The following ZFHX3 variants were observed in gnomAD, a reference collection of about 807,000 sequenced individuals.
ZFHX3 encodes the protein zinc finger homeobox protein 3.
Under a neutral mutation model 279.1 loss-of-function variants are expected in ZFHX3, and 42 were observed. The ratio of observed to expected loss-of-function variants is 0.15; its 90% CI spans 0.12 to 0.19. The LOEUF (loss-of-function observed/expected upper bound fraction) is 0.19, where lower values mean the gene tolerates loss of function less well. Among genes scored for constraint, ZFHX3 ranks in the 10% least tolerant of loss-of-function variants. The pLI is 1.00. For synonymous variants in ZFHX3, 2,293 were observed against 1,957.8 expected, an observed-to-expected ratio of 1.17 and a Z score of -4.52; for missense variants, 4,981 against 4,754.0, an observed-to-expected ratio of 1.05 and a Z score of -1.40.
intron 1 of ZFHX3, among the ~76,000 whole-genome samples, chr16:73,803,575 T>C (rs749885152): frequency 6.6e-6 from 1 of 152,182 alleles, no homozygotes; most frequent in Non-Finnish European, 1.5e-5. Context: ...TAATAAAATA[T>C]GTAGAAGGAT....
chr16:72,836,936 T>C (rs976516336), intron 4 of ZFHX3, among the ~76,000 whole-genome samples: 1 of 152,164 alleles, frequency 6.6e-6, no homozygotes, highest in Non-Finnish European at 1.5e-5. Flanking sequence ...AAGTGTAATA[T>C]TTTCCCACCT....
chr16:72,955,492 C>CTTTA (rs1189757264), intron 2 of ZFHX3, among the ~76,000 whole-genome samples: 4 of 152,218 alleles, frequency 2.6e-5, no homozygotes, highest in Admixed American at 2.6e-4. Flanking sequence ...AAAAGCCTCA[C>CTTTA]TTTAGGCTGG....
intron 5 of ZFHX3, among the ~76,000 whole-genome samples, chr16:73,191,811 A>C (rs1438113710): frequency 6.6e-6 from 1 of 152,070 alleles, no homozygotes; most frequent in Non-Finnish European, 1.5e-5. Flanking sequence ...AATCTCTTAA[A>C]AGAGGGGAAG....
At chr16:73,403,117 C>T (rs1032226512) in intron 3 of ZFHX3, among the ~76,000 whole-genome samples, 25 of 152,050 alleles carry the variant, frequency 1.6e-4, no homozygotes, top group African/African-American at 5.6e-4. Context: ...ACCTGGTGGG[C>T]TGGCTGATTG....
chr16:73,007,181 T>C (rs1281856932), intron 1 of ZFHX3, among the ~76,000 whole-genome samples: 1 of 152,246 alleles, frequency 6.6e-6, no homozygotes, highest in Non-Finnish European at 1.5e-5. Context: ...TCTTTTAAAA[T>C]GCTAAATTCA....
chr16:73,281,444 T>A (rs1597260078), intron 4 of ZFHX3, among the ~76,000 whole-genome samples: 1 of 152,014 alleles, frequency 6.6e-6, no homozygotes, highest in East Asian at 1.9e-4. Context: ...AGTAGCATGG[T>A]GGTTGCAGGG....
chr16:73,112,754 C>G (rs8060351), intron 7 of ZFHX3, among the ~76,000 whole-genome samples: 4,662 of 134,898 alleles, frequency 0.035, 259 homozygotes, highest in African/African-American at 0.12. Context: ...TAAGTGCTTT[C>G]CCCCAGTAGA....
chr16:73,263,464 C>T (rs984503633), intron 4 of ZFHX3, among the ~76,000 whole-genome samples: 3 of 152,218 alleles, frequency 2.0e-5, no homozygotes, highest in Admixed American at 6.5e-5. Flanking sequence ...GTTGGGATTA[C>T]AGGCGTAAGC....
At chr16:72,871,342 ATTTTT>A (rs539356987) in intron 4 of ZFHX3, among the ~76,000 whole-genome samples, 2 of 119,188 alleles carry the variant, frequency 1.7e-5, no homozygotes, top group Non-Finnish European at 3.6e-5. Context: ...TGCCCGGCTA[ATTTTT>A]TTTTTTTTTT....
chr16:73,248,212 ATGTG>A (rs779662213), intron 5 of ZFHX3, among the ~76,000 whole-genome samples: 9 of 146,910 alleles, frequency 6.1e-5, no homozygotes, highest in Non-Finnish European at 1.2e-4. Flanking sequence ...GTGTGTATAT[ATGTG>A]TGTGTGTATA....
intron 1 of ZFHX3, among the ~76,000 whole-genome samples, chr16:73,762,758 T>TA (rs1392569969): frequency 6.6e-6 from 1 of 152,120 alleles, no homozygotes; most frequent in African/African-American, 2.4e-5. Context: ...TTCTCACTTA[T>TA]AAGTGGGAGC....
chr16:73,031,009 C>T (rs1964679324), intron 1 of ZFHX3, among the ~76,000 whole-genome samples: 1 of 152,196 alleles, frequency 6.6e-6, no homozygotes, highest in Admixed American at 6.5e-5. Context: ...CCTCTCCATT[C>T]TACTGCAGCC....
At chr16:73,693,833 T>C (rs1278635379) in intron 1 of ZFHX3, among the ~76,000 whole-genome samples, 2 of 152,182 alleles carry the variant, frequency 1.3e-5, no homozygotes, top group Non-Finnish European at 2.9e-5. Context: ...AACCTGTGCG[T>C]TTCCACATCT....
chr16:73,042,134 T>C (rs1377941793), intron 1 of ZFHX3, among the ~76,000 whole-genome samples: 2 of 152,228 alleles, frequency 1.3e-5, no homozygotes, highest in Non-Finnish European at 2.9e-5. Flanking sequence ...TGAAAAGCGA[T>C]GTTTGCATAC....
chr16:73,466,338 CT>C (rs1280475435), intron 2 of ZFHX3, among the ~76,000 whole-genome samples: 1 of 152,176 alleles, frequency 6.6e-6, no homozygotes, highest in African/African-American at 2.4e-5. Context: ...GGAAAATTAT[CT>C]GGGCATGGTA....
intron 3 of ZFHX3, among the ~76,000 whole-genome samples, chr16:72,943,459 G>A (rs1017427595): frequency 6.6e-6 from 1 of 152,146 alleles, no homozygotes; most frequent in African/African-American, 2.4e-5. Context: ...CTTGAACCCA[G>A]AGGCGGAGGT....
At chr16:72,897,454 G>C (rs2038926780) in intron 3 of ZFHX3, among the ~76,000 whole-genome samples, 1 of 151,672 alleles carries the variant, frequency 6.6e-6, no homozygotes, top group Admixed American at 6.6e-5. Context: ...TTTCTTTTTT[G>C]TCTGAGAAAG....
intron 1 of ZFHX3, among the ~76,000 whole-genome samples, chr16:73,717,185 G>A (rs2053424480): frequency 1.3e-5 from 2 of 152,138 alleles, no homozygotes; most frequent in South Asian, 4.2e-4. Flanking sequence ...TCCCCAGGGG[G>A]CTAATGCACC....
chr16:73,070,908 A>G (rs1166073568), intron 8 of ZFHX3, among the ~76,000 whole-genome samples: 1 of 125,212 alleles, frequency 8.0e-6, no homozygotes, highest in African/African-American at 3.1e-5. Context: ...TGGTTCCTAG[A>G]CCGTCTTGCG....
Sources: allele counts gnomAD v4.1 joint callset (sites outside exome capture counted in the v4.1 genomes callset), GRCh38; gene constraint gnomAD v4.1.1; transcripts MANE v1.5; gene names NCBI Gene and HGNC (gene_info 2026-07-23, HGNC 2026-07-21).